Variants in KIAA1217 observed in about 807,000 individuals in gnomAD.
The protein encoded by KIAA1217 is sickle tail protein homolog.
A neutral mutation model predicts 163.9 loss-of-function variants in KIAA1217; 88 were observed. The ratio of observed to expected loss-of-function variants is 0.54; its 90% CI spans 0.45 to 0.64. The LOEUF is 0.64. Among genes scored for constraint, KIAA1217 ranks in the 30% least tolerant of loss-of-function variants. The probability of loss-of-function intolerance (pLI) is 0.00; values close to 1 mark genes in which losing one functional copy is unlikely to be tolerated. For missense variants in KIAA1217, 2,372 were observed against 2,475.0 expected (o/e 0.96, Z 0.88); for synonymous variants, 903 against 923.1 (o/e 0.98, Z 0.39).
At chr10:24,137,747 T>A (rs2063889690) in intron 2 of KIAA1217, among the ~76,000 whole-genome samples, 1 of 152,204 alleles carries the variant, frequency 6.6e-6, no homozygotes, top group African/African-American at 2.4e-5. Context: ...ATCCTATTCA[T>A]TCTAAAAAGT....
At chr10:24,342,106 G>A (rs547736614) in intron 2 of KIAA1217, among the ~76,000 whole-genome samples, 2 of 152,314 alleles carry the variant, frequency 1.3e-5, no homozygotes, top group South Asian at 2.1e-4. Context: ...CACTGTACAC[G>A]TCCTAGTCAC....
chr10:24,053,231 A>G (rs186826263), intron 2 of KIAA1217, among the ~76,000 whole-genome samples: 1 of 152,314 alleles, frequency 6.6e-6, no homozygotes. Flanking sequence ...CTTATATACC[A>G]TAAACATTGG....
At chr10:24,372,995 A>G (rs148589629) in intron 2 of KIAA1217, among the ~76,000 whole-genome samples, 6 of 152,284 alleles carry the variant, frequency 3.9e-5, no homozygotes, top group African/African-American at 1.4e-4. Context: ...TATTAAGGGG[A>G]AGCATTTTCC....
chr10:24,145,671 C>T lies in KIAA1217; in HGVS notation c.-170-73955C>T, dbSNP rs528951317. On this transcript the variant is annotated intron_variant, in intron 2 of 18. Coordinates refer to the KIAA1217 transcript ENST00000376462. The stretch of plus-strand genomic sequence containing the variant: ...GAAGCCAGTCTGAGTCCCAAAACCT[C>T]AAAAGTAGGGAAGCCAACAATGCAG... 9.8e-5 allele frequency among the ~76,000 whole-genome samples: 15 copies of T among 152,318 alleles called. No individual in the cohort carries two copies. The South Asian group carries it at 3.1e-3, about 32-fold the overall frequency.
intron 1 of KIAA1217, among the ~76,000 whole-genome samples, chr10:23,830,611 G>C (rs146959962): frequency 6.6e-6 from 1 of 151,942 alleles, no homozygotes; most frequent in Non-Finnish European, 1.5e-5. Context: ...GAGAGAAAGG[G>C]AGACAGTGAT....
intron 2 of KIAA1217, among the ~76,000 whole-genome samples, chr10:24,308,889 G>A (rs1018961676): frequency 6.6e-6 from 1 of 152,052 alleles, no homozygotes. Flanking sequence ...TTGGGAGTCC[G>A]AGGTGGCTAG....
At chr10:23,762,795 G>A (rs1035114636) in intron 1 of KIAA1217, among the ~76,000 whole-genome samples, 3 of 139,270 alleles carry the variant, frequency 2.2e-5, no homozygotes, top group African/African-American at 1.0e-4. Flanking sequence ...AAGAAATAAG[G>A]GCATTCAAAT....
rs539114558 is a variant in KIAA1217 at position 24,404,951 on chromosome 10, A to T, written c.553+23884A>T. On this transcript the variant is annotated intron_variant, in intron 3 of 20. Transcript: ENST00000376454. The stretch of plus-strand genomic sequence containing the variant: ...ATAAAATTATAGAGATGCAGAACGG[A>T]TTAGTAGATGCCAGGGACTGGGGAT... 4.6e-5 allele frequency among the ~76,000 whole-genome samples: 7 copies of T among 152,310 alleles called. No individual in the cohort carries two copies. The South Asian group carries it at 1.5e-3, about 32-fold the overall frequency.
intron 1 of KIAA1217, among the ~76,000 whole-genome samples, chr10:23,733,626 T>C (rs936521154): frequency 2.0e-5 from 3 of 152,230 alleles, no homozygotes; most frequent in Non-Finnish European, 4.4e-5. Context: ...TGTTATGTTT[T>C]TTTTTCTGAA....
intron 1 of KIAA1217, among the ~76,000 whole-genome samples, chr10:23,861,195 G>A (rs888875931): frequency 2.0e-5 from 3 of 152,132 alleles, no homozygotes; most frequent in African/African-American, 7.2e-5. Flanking sequence ...TTACAGGTGT[G>A]AGCCACTGTG....
chr10:24,513,079 G>C (rs950964639), intron 9 of KIAA1217, among the ~76,000 whole-genome samples, 180 bp from the exon 10 acceptor site: 3 of 152,222 alleles, frequency 2.0e-5, no homozygotes, highest in African/African-American at 7.2e-5. Context: ...CCAAAATTCA[G>C]ATGTTGGTGG....
intron 2 of KIAA1217, among the ~76,000 whole-genome samples, chr10:24,159,607 G>A (rs988822196): frequency 3.3e-5 from 3 of 91,528 alleles, no homozygotes; most frequent in South Asian, 7.9e-4. Flanking sequence ...GTGAAACCCC[G>A]TCTCAAAAAA....
chr10:24,133,599 A>G (rs1314873482), intron 2 of KIAA1217, among the ~76,000 whole-genome samples: 3 of 151,822 alleles, frequency 2.0e-5, no homozygotes, highest in Non-Finnish European at 4.4e-5. Context: ...TGTCTTGCCT[A>G]TTCCTCTTAT....
intron 2 of KIAA1217, among the ~76,000 whole-genome samples, chr10:24,134,270 C>A (rs1282511598): frequency 1.3e-5 from 2 of 152,084 alleles, no homozygotes; most frequent in South Asian, 2.1e-4. Context: ...TTTAGCAGAG[C>A]AAACATAAAA....
intron 2 of KIAA1217, among the ~76,000 whole-genome samples, chr10:24,328,418 C>G (rs187318995): frequency 6.6e-6 from 1 of 151,854 alleles, no homozygotes; most frequent in East Asian, 1.9e-4. Flanking sequence ...AACTGGGAGG[C>G]CTGATGGTTT....
intron 1 of KIAA1217, among the ~76,000 whole-genome samples, chr10:23,793,277 T>G (rs563186406): frequency 2.0e-5 from 3 of 152,234 alleles, no homozygotes; most frequent in African/African-American, 4.8e-5. Flanking sequence ...GAAAACCCCT[T>G]TCTACTCATG....
chr10:24,202,316 C>A (rs1016174520), intron 2 of KIAA1217, among the ~76,000 whole-genome samples: 1 of 152,194 alleles, frequency 6.6e-6, no homozygotes, highest in African/African-American at 2.4e-5. Context: ...TCACTTGTTT[C>A]GCTGGCCCTG....
At chr10:24,026,367 G>T (rs1335315039) in intron 2 of KIAA1217, among the ~76,000 whole-genome samples, 1 of 151,686 alleles carries the variant, frequency 6.6e-6, no homozygotes, top group Non-Finnish European at 1.5e-5. Context: ...TAAATGTTTG[G>T]TAAAATTTAC....
intron 2 of KIAA1217, among the ~76,000 whole-genome samples, chr10:24,198,514 C>A (rs2067094441): frequency 6.7e-6 from 1 of 149,012 alleles, no homozygotes; most frequent in Non-Finnish European, 1.5e-5. Context: ...ATGGCTGAAG[C>A]AGGAGAATTG....
Sources: gnomAD v4.1 joint callset for allele counts (sites outside exome capture counted in the v4.1 genomes callset) on GRCh38, gnomAD v4.1.1 for gene constraint, MANE v1.5 for transcripts, NCBI Gene and HGNC (gene_info 2026-07-23, HGNC 2026-07-21) for gene names.